BIRC6: variants seen among roughly 807,000 people sequenced by gnomAD.
The protein encoded by BIRC6 is baculoviral IAP repeat containing 6.
A neutral mutation model predicts 503.3 loss-of-function variants in BIRC6; 98 were observed. That is an observed-to-expected ratio of 0.19 (90% confidence interval 0.17 to 0.23). The LOEUF is 0.23. Ranked by LOEUF, BIRC6 falls within the 10% of genes least tolerant of loss-of-function variation. BIRC6 has a pLI of 1.00. For synonymous variants in BIRC6, 2,240 were observed against 2,078.7 expected, an observed-to-expected ratio of 1.08 and a Z score of -2.11; for missense variants, 5,360 against 5,806.0, an observed-to-expected ratio of 0.92 and a Z score of 2.50.
chr2:32,449,173 T>C, intron 22 of BIRC6: 2 of 342,192 alleles, frequency 5.8e-6, no homozygotes. Context: ...GTTTTTGTTA[T>C]GCATTTCATT....
intron 9 of BIRC6, among the ~76,000 whole-genome samples, chr2:32,413,176 ATTTTTTT>A (rs766213127): frequency 8.2e-6 from 1 of 122,074 alleles, no homozygotes; most frequent in East Asian, 2.3e-4. Flanking sequence ...TGCCCGGCTA[ATTTTTTT>A]TTTTTTTTTT....
intron 50 of BIRC6, among the ~76,000 whole-genome samples, chr2:32,506,900 A>C (rs932043200): frequency 2.6e-5 from 4 of 152,184 alleles, no homozygotes; most frequent in African/African-American, 9.7e-5. Flanking sequence ...TGAAGTAGAA[A>C]TTTAAAAATT....
intron 1 of BIRC6, among the ~76,000 whole-genome samples, chr2:32,362,765 T>C (rs536726658): frequency 6.6e-6 from 1 of 152,304 alleles, no homozygotes; most frequent in African/African-American, 2.4e-5. Context: ...ACAGATAGCT[T>C]GGGTTAAGAT....
At chr2:32,586,049 C>T (rs888775254) in intron 66 of BIRC6, among the ~76,000 whole-genome samples, 32 of 152,198 alleles carry the variant, frequency 2.1e-4, no homozygotes, top group Middle Eastern at 3.4e-3. Flanking sequence ...TCATGGAAAA[C>T]AGTATTGATG....
chr2:32,358,634 C>G (rs987851468), intron 1 of BIRC6, among the ~76,000 whole-genome samples: 1 of 151,986 alleles, frequency 6.6e-6, no homozygotes, highest in Non-Finnish European at 1.5e-5. Context: ...TTAACGTAGA[C>G]GAACAAGGAA....
At chr2:32,529,145 T>C (rs942661140) in intron 59 of BIRC6, 1 of 152,286 alleles carries the variant, frequency 6.6e-6, no homozygotes, top group Non-Finnish European at 1.5e-5. Flanking sequence ...ACTGGTGGGT[T>C]GGATACCTTG....
intron 70 of BIRC6, among the ~76,000 whole-genome samples, chr2:32,601,012 C>CA (rs1052107472): frequency 7.2e-5 from 11 of 152,000 alleles, no homozygotes; most frequent in African/African-American, 1.7e-4. Context: ...AGAAAAATAG[C>CA]AAAAAAATCT....
At chr2:32,608,976 TTCAAGTGATTCTCATGCC>T (rs1324763313) in intron 72 of BIRC6, among the ~76,000 whole-genome samples, 1 of 151,966 alleles carries the variant, frequency 6.6e-6, no homozygotes, top group Non-Finnish European at 1.5e-5. Context: ...GCCTCCCCGG[TTCAAGTGATTCTCATGCC>T]TCAGCCTCCC....
At chr2:32,478,543 G>A in intron 35 of BIRC6, 92 bp from the exon 36 acceptor site, 1 of 1,118,614 alleles carries the variant, frequency 8.9e-7, no homozygotes, top group Non-Finnish European at 1.2e-6. Context: ...GAAACCTATT[G>A]TTCAGTGCTA....
rs1418596128 is a variant in BIRC6 at position 32,415,260 on chromosome 2, T to C, written c.1969T>C (p.Leu657=). 1 of 1,614,030 alleles carries C rather than the reference T, an allele frequency of 6.2e-7. No homozygotes were observed. Among genetic ancestry groups the C allele is most frequent in the Non-Finnish European group, 8.5e-7 (1 of 1,179,882 alleles). Residue 657 remains leucine, a synonymous_variant, in exon 10 of 74, where the codon TTG becomes CTG. Transcript: ENST00000421745. ...SQMNNIMSKS[L]HDDGFTVPQI... is the part of the protein sequence containing the mutation. ...GATGAACAATATTATGAGTAAAAGTTTGCATGATGATGGTTTTACTGTTCC... is the reference window on the plus strand; with the variant it reads ...GATGAACAATATTATGAGTAAAAGTCTGCATGATGATGGTTTTACTGTTCC...
chr2:32,447,442 C>A, intron 21 of BIRC6, among the ~76,000 whole-genome samples: 1 of 147,020 alleles, frequency 6.8e-6, no homozygotes, highest in Admixed American at 6.7e-5. Context: ...TGACCCCCCA[C>A]CTCCCTCCCG....
chr2:32,544,260 T>A (rs1026097047), intron 62 of BIRC6, among the ~76,000 whole-genome samples: 2 of 152,112 alleles, frequency 1.3e-5, no homozygotes, highest in African/African-American at 2.4e-5. Flanking sequence ...TGAATATAGT[T>A]TTTTTCAGAA....
chr2:32,549,485 A>G lies in BIRC6; in HGVS notation c.13144+4A>G. On this transcript the variant is annotated splice_donor_region_variant and intron_variant, in intron 65 of 73. Coordinates refer to ENST00000421745, the MANE Select transcript of BIRC6 (RefSeq NM_016252.4). Reference sequence around the variant, plus strand: ...TCTTATCTACGAAATGATTCAGGTAAATAATCCCTGTAAATGTGTCTGTGG... The same window carrying G: ...TCTTATCTACGAAATGATTCAGGTAGATAATCCCTGTAAATGTGTCTGTGG... 7.0e-7 allele frequency: 1 copy of G among 1,426,618 alleles called. No homozygotes were observed. Among genetic ancestry groups the G allele is most frequent in the Non-Finnish European group, 9.4e-7 (1 of 1,067,958 alleles). 88.4% of individuals were successfully genotyped at this position (1,426,618 alleles called of 1,614,324 possible).
intron 65 of BIRC6, chr2:32,557,858 A>G (rs1037461001): frequency 6.6e-6 from 1 of 152,210 alleles, no homozygotes; most frequent in African/African-American, 2.4e-5. Context: ...CAGTTTTCCC[A>G]GAAAATGTCT....
intron 10 of BIRC6, among the ~76,000 whole-genome samples, chr2:32,428,090 A>G (rs2043724661): frequency 2.0e-5 from 3 of 152,164 alleles, no homozygotes; most frequent in Admixed American, 1.3e-4. Context: ...GTGTCCAAAT[A>G]CCTTTAGCCA....
At chr2:32,595,185 AT>A (rs568678630) in intron 68 of BIRC6, 41 bp downstream of exon 68, 1,666 of 1,276,344 alleles carry the variant, frequency 1.3e-3, no homozygotes, top group Middle Eastern at 1.5e-3. Flanking sequence ...CTCACTTTCC[AT>A]TTTTTTTTAA....
intron 8 of BIRC6, among the ~76,000 whole-genome samples, chr2:32,401,963 A>G (rs1156964380): frequency 2.0e-5 from 3 of 152,214 alleles, no homozygotes; most frequent in Non-Finnish European, 4.4e-5. Flanking sequence ...AAATCTTTTC[A>G]TAGAGCATTC....
At chr2:32,505,855 T>G (rs1483090704) in intron 50 of BIRC6, among the ~76,000 whole-genome samples, 1 of 152,088 alleles carries the variant, frequency 6.6e-6, no homozygotes, top group Non-Finnish European at 1.5e-5. Flanking sequence ...GAAATACTCA[T>G]TTGCTTTTTT....
chr2:32,515,993 C>T (rs2054994173), intron 55 of BIRC6, among the ~76,000 whole-genome samples: 1 of 152,104 alleles, frequency 6.6e-6, no homozygotes, highest in African/African-American at 2.4e-5. Context: ...GGGATGCTAG[C>T]TAGATCATAC....
Sources: allele counts gnomAD v4.1 joint callset (sites outside exome capture counted in the v4.1 genomes callset), GRCh38; gene constraint gnomAD v4.1.1; transcripts MANE v1.5; gene names NCBI Gene and HGNC (gene_info 2026-07-23, HGNC 2026-07-21).